SH3RF3: variants seen among roughly 807,000 people sequenced by gnomAD.
SH3RF3 encodes SH3 domain containing ring finger 3, also known as E3 ubiquitin-protein ligase SH3RF3.
SH3RF3 carries 29 observed loss-of-function variants against 66.3 expected under a neutral mutation model. The observed-to-expected ratio is 0.44, with a 90% confidence interval of 0.33 to 0.60. SH3RF3 has a LOEUF of 0.60. SH3RF3 is among the 20% of genes least tolerant of loss of function. The pLI, the probability that SH3RF3 is intolerant of heterozygous loss-of-function variation, is 0.04. For synonymous variants in SH3RF3, 583 were observed against 532.0 expected, an observed-to-expected ratio of 1.10 and a Z score of -1.32; for missense variants, 1,194 against 1,190.9, an observed-to-expected ratio of 1.00 and a Z score of -0.04.
At chr2:109,191,109 T>C (rs1213835585) in intron 1 of SH3RF3, among the ~76,000 whole-genome samples, 1 of 152,066 alleles carries the variant, frequency 6.6e-6, no homozygotes, top group African/African-American at 2.4e-5. Flanking sequence ...ATCAAGTGAT[T>C]GGAGAGAGAT....
At chr2:109,359,846 A>G (rs1181775126) in intron 2 of SH3RF3, among the ~76,000 whole-genome samples, 1 of 152,174 alleles carries the variant, frequency 6.6e-6, no homozygotes, top group African/African-American at 2.4e-5. Context: ...AGATTCCCCC[A>G]TGCAAGCACA....
intron 1 of SH3RF3, among the ~76,000 whole-genome samples, chr2:109,178,140 C>T (rs144521772): frequency 2.0e-5 from 3 of 152,314 alleles, no homozygotes; most frequent in African/African-American, 7.2e-5. Flanking sequence ...ATACAACAAA[C>T]CTACCCTTTC....
chr2:109,139,140 T>A (rs549523986), intron 1 of SH3RF3, among the ~76,000 whole-genome samples: 3 of 152,324 alleles, frequency 2.0e-5, no homozygotes, highest in Admixed American at 6.5e-5. Flanking sequence ...CTCTTTATAA[T>A]CATATCCCAA....
intron 1 of SH3RF3, among the ~76,000 whole-genome samples, chr2:109,258,815 C>G (rs571862731): frequency 6.6e-6 from 1 of 152,230 alleles, no homozygotes; most frequent in Non-Finnish European, 1.5e-5. Flanking sequence ...CAGGTCAGAG[C>G]AGGACCCATC....
At chr2:109,369,080 C>G (rs1243822930) in intron 2 of SH3RF3, among the ~76,000 whole-genome samples, 1 of 152,094 alleles carries the variant, frequency 6.6e-6, no homozygotes, top group Non-Finnish European at 1.5e-5. Flanking sequence ...CATGGTGGCT[C>G]ACGCCTATAA....
At chr2:109,304,352 G>T (rs538605607) in intron 1 of SH3RF3, among the ~76,000 whole-genome samples, 1 of 152,152 alleles carries the variant, frequency 6.6e-6, no homozygotes, top group Admixed American at 6.5e-5. Context: ...TTGTTTTCCT[G>T]TGACTGGCTT....
At chr2:109,308,887 G>A (rs1175930544) in intron 1 of SH3RF3, among the ~76,000 whole-genome samples, 1 of 77,746 alleles carries the variant, frequency 1.3e-5, no homozygotes, top group Non-Finnish European at 2.1e-5. Flanking sequence ...TTTTGGCTTA[G>A]GATTGACTTG....
chr2:109,481,405 G>A (rs1678830399), intron 8 of SH3RF3, among the ~76,000 whole-genome samples: 1 of 152,156 alleles, frequency 6.6e-6, no homozygotes, highest in South Asian at 2.1e-4. Context: ...CCTGCCCACA[G>A]GCCAGAGACT....
intron 1 of SH3RF3, among the ~76,000 whole-genome samples, chr2:109,207,051 T>C (rs1678858317): frequency 6.6e-6 from 1 of 152,136 alleles, no homozygotes; most frequent in Non-Finnish European, 1.5e-5. Context: ...AACCTGACCA[T>C]GCTCATTTGG....
intron 2 of SH3RF3, among the ~76,000 whole-genome samples, chr2:109,360,296 A>G (rs924565588): frequency 1.3e-5 from 2 of 152,230 alleles, no homozygotes; most frequent in African/African-American, 4.8e-5. Flanking sequence ...TTGTAAGAAA[A>G]TGATTGCTTA....
At position 109,369,935 on chromosome 2, in the gene SH3RF3, G is replaced by T. The variant is rs555064163; in HGVS notation, c.850-1651G>T. On this transcript the variant is annotated intron_variant, in intron 2 of 9. Transcript: ENST00000309415. ...AGCATCAGAGGCTCCTTGGAAAGGC[G>T]GGTGGTGCACTCAGCTCTGAGGGGC... Among the ~76,000 whole-genome samples the T allele has an allele frequency of 2.6e-5, 4 of 152,326 alleles. No homozygotes were observed. In the South Asian group the frequency reaches 8.3e-4, roughly 32 times the overall value.
At chr2:109,399,919 T>G (rs1478779489) in intron 4 of SH3RF3, among the ~76,000 whole-genome samples, 1 of 152,180 alleles carries the variant, frequency 6.6e-6, no homozygotes, top group Non-Finnish European at 1.5e-5. Context: ...CCCACTCCAT[T>G]TCTCCCTGCG....
At chr2:109,480,881 T>G (rs921001887) in intron 8 of SH3RF3, among the ~76,000 whole-genome samples, 4 of 152,052 alleles carry the variant, frequency 2.6e-5, no homozygotes, top group Non-Finnish European at 4.4e-5. Context: ...TGTGGATGGT[T>G]TGATTTGTGT....
intron 1 of SH3RF3, among the ~76,000 whole-genome samples, chr2:109,238,734 C>A (rs1287026349): frequency 6.6e-6 from 1 of 152,186 alleles, no homozygotes; most frequent in African/African-American, 2.4e-5. Flanking sequence ...ACTTCCTTCC[C>A]CCAGGCAGCT....
intron 1 of SH3RF3, among the ~76,000 whole-genome samples, chr2:109,130,736 AG>A (rs1446171953): frequency 6.6e-6 from 1 of 152,180 alleles, no homozygotes; most frequent in East Asian, 1.9e-4. Context: ...GCTCCCAGGC[AG>A]GGTTGCATTC....
chr2:109,419,139 C>T (rs921334069), intron 4 of SH3RF3, among the ~76,000 whole-genome samples: 15 of 152,182 alleles, frequency 9.9e-5, no homozygotes, highest in South Asian at 6.2e-4. Context: ...TCTCCAGTTC[C>T]TGGGGACGCT....
intron 4 of SH3RF3, among the ~76,000 whole-genome samples, chr2:109,417,384 G>A (rs975934874): frequency 6.6e-6 from 1 of 152,146 alleles, no homozygotes; most frequent in Non-Finnish European, 1.5e-5. Flanking sequence ...CCTCTTCCCT[G>A]TCTCCCTTCA....
At chr2:109,368,599 A>G (rs1683196494) in intron 2 of SH3RF3, among the ~76,000 whole-genome samples, 1 of 151,732 alleles carries the variant, frequency 6.6e-6, no homozygotes, top group African/African-American at 2.4e-5. Context: ...GTAGAAAATT[A>G]TATACCTTTC....
chr2:109,203,560 G>C (rs941366170), intron 1 of SH3RF3, among the ~76,000 whole-genome samples: 1 of 152,130 alleles, frequency 6.6e-6, no homozygotes, highest in African/African-American at 2.4e-5. Context: ...CTCTGGGACT[G>C]CTCCATGTGG....
Sources: gnomAD v4.1 joint callset for allele counts (sites outside exome capture counted in the v4.1 genomes callset) on GRCh38, gnomAD v4.1.1 for gene constraint, MANE v1.5 for transcripts, NCBI Gene and HGNC (gene_info 2026-07-23, HGNC 2026-07-21) for gene names.